UNC5D: variants seen among roughly 807,000 people sequenced by gnomAD.
UNC5D encodes netrin receptor UNC5D.
Under a neutral mutation model 105.4 loss-of-function variants are expected in UNC5D, and 39 were observed. The ratio of observed to expected loss-of-function variants is 0.37; its 90% CI spans 0.29 to 0.48. UNC5D has a LOEUF of 0.48. UNC5D is among the 20% of genes least tolerant of loss of function. The pLI is 0.98. For missense variants in UNC5D, 991 were observed against 1,202.4 expected (o/e 0.82, Z 2.60); for synonymous variants, 452 against 450.4 (o/e 1.00, Z -0.04).
chr8:35,300,446 CAAAAAA>C (rs752599540), intron 1 of UNC5D, among the ~76,000 whole-genome samples: 2 of 58,416 alleles, frequency 3.4e-5, no homozygotes, highest in Non-Finnish European at 3.3e-5. Context: ...GACTCCCTCT[CAAAAAA>C]AAAAAAAAAA....
chr8:35,611,204 G>A (rs1459806145), intron 4 of UNC5D, among the ~76,000 whole-genome samples: 1 of 152,038 alleles, frequency 6.6e-6, no homozygotes, highest in Non-Finnish European at 1.5e-5. Flanking sequence ...TTCTTGTAAT[G>A]TCTAACATGT....
intron 1 of UNC5D, among the ~76,000 whole-genome samples, chr8:35,378,829 T>C (rs1483375682): frequency 6.6e-6 from 1 of 152,090 alleles, no homozygotes; most frequent in Non-Finnish European, 1.5e-5. Flanking sequence ...ATGGAACAGG[T>C]GTGGTCTAGA....
chr8:35,684,825 C>A, intron 6 of UNC5D, 76 bp downstream of exon 6: 1 of 1,464,108 alleles, frequency 6.8e-7, no homozygotes, highest in Non-Finnish European at 9.1e-7. Flanking sequence ...ATCAATGTTA[C>A]CTTCTTTTCC....
intron 4 of UNC5D, among the ~76,000 whole-genome samples, chr8:35,642,907 A>C (rs371077151): frequency 6.6e-6 from 1 of 151,958 alleles, no homozygotes; most frequent in African/African-American, 2.4e-5. Context: ...CTTCTCCCCA[A>C]CCCACCCCAG....
intron 1 of UNC5D, among the ~76,000 whole-genome samples, chr8:35,537,719 T>G (rs1386020998): frequency 6.7e-6 from 1 of 149,618 alleles, no homozygotes; most frequent in East Asian, 1.9e-4. Flanking sequence ...AAATAATAAA[T>G]AAGTAAATAT....
At chr8:35,301,676 G>A (rs1483354544) in intron 1 of UNC5D, among the ~76,000 whole-genome samples, 1 of 152,126 alleles carries the variant, frequency 6.6e-6, no homozygotes, top group Non-Finnish European at 1.5e-5. Context: ...GTTTTGGTTT[G>A]TTTGCATTCT....
intron 13 of UNC5D, among the ~76,000 whole-genome samples, chr8:35,755,505 A>G (rs1336975872): frequency 7.0e-6 from 1 of 142,512 alleles, no homozygotes; most frequent in East Asian, 1.9e-4. Context: ...TGTAAGTTCA[A>G]ACAGTTTTGT....
intron 4 of UNC5D, among the ~76,000 whole-genome samples, chr8:35,648,901 A>G (rs1233131987): frequency 6.6e-6 from 1 of 152,118 alleles, no homozygotes; most frequent in Non-Finnish European, 1.5e-5. Flanking sequence ...CTGTAGAGCT[A>G]ATAGATTATA....
At chr8:35,520,402 G>C (rs1317295339) in intron 1 of UNC5D, among the ~76,000 whole-genome samples, 2 of 152,102 alleles carry the variant, frequency 1.3e-5, no homozygotes, top group Non-Finnish European at 2.9e-5. Context: ...CCAAGGGCTG[G>C]AATAAGGAAG....
intron 1 of UNC5D, among the ~76,000 whole-genome samples, chr8:35,434,119 G>T (rs898472117): frequency 2.6e-5 from 4 of 151,932 alleles, no homozygotes; most frequent in African/African-American, 9.7e-5. Context: ...TATTGATTTA[G>T]GAAAGTATGA....
At chr8:35,370,666 G>A (rs1802379522) in intron 1 of UNC5D, among the ~76,000 whole-genome samples, 1 of 152,126 alleles carries the variant, frequency 6.6e-6, no homozygotes, top group Non-Finnish European at 1.5e-5. Flanking sequence ...TTTAGGCATG[G>A]AAATGAAATA....
chr8:35,619,639 TC>T (rs1241693262), intron 4 of UNC5D, among the ~76,000 whole-genome samples: 1 of 152,240 alleles, frequency 6.6e-6, no homozygotes, highest in Non-Finnish European at 1.5e-5. Flanking sequence ...GGGCAGCTGG[TC>T]AGAAGTTACA....
At chr8:35,595,685 C>T (rs751850776) in intron 4 of UNC5D, 28 bp downstream of exon 4, 34 of 1,602,376 alleles carry the variant, frequency 2.1e-5, no homozygotes, top group South Asian at 7.7e-5. Flanking sequence ...GACCAGTCAC[C>T]GGGAGGAACC....
intron 11 of UNC5D, among the ~76,000 whole-genome samples, chr8:35,741,775 A>G (rs7837048): frequency 0.092 from 13,976 of 151,548 alleles, 1,829 homozygotes; most frequent in African/African-American, 0.29. Context: ...GTTGCTTTGG[A>G]TTTTTTTTTA....
chr8:35,766,533 A>C (rs1312616695), intron 14 of UNC5D, among the ~76,000 whole-genome samples: 1 of 152,216 alleles, frequency 6.6e-6, no homozygotes, highest in East Asian at 1.9e-4. Context: ...CCGAAGTAGA[A>C]GCATGGCCCA....
intron 8 of UNC5D, among the ~76,000 whole-genome samples, chr8:35,717,878 G>T (rs879867309): frequency 6.6e-6 from 1 of 152,142 alleles, no homozygotes; most frequent in East Asian, 1.9e-4. Context: ...AGATCACCAG[G>T]AAGTCACTTT....
At chr8:35,738,649 C>T (rs1337123483) in intron 11 of UNC5D, among the ~76,000 whole-genome samples, 1 of 152,204 alleles carries the variant, frequency 6.6e-6, no homozygotes, top group Non-Finnish European at 1.5e-5. Flanking sequence ...TCTCATAACA[C>T]TCTGGCATGT....
At chr8:35,582,295 C>T (rs1818511650) in intron 3 of UNC5D, among the ~76,000 whole-genome samples, 1 of 152,176 alleles carries the variant, frequency 6.6e-6, no homozygotes, top group South Asian at 2.1e-4. Flanking sequence ...TTCACTTTTC[C>T]TGGAAAGCAT....
intron 1 of UNC5D, among the ~76,000 whole-genome samples, chr8:35,448,946 C>CT (rs968050108): frequency 3.5e-4 from 53 of 152,006 alleles, no homozygotes; most frequent in African/African-American, 1.2e-3. Flanking sequence ...GGATTTTATT[C>CT]TTTTTTTATC....
Sources: gnomAD v4.1 joint callset for allele counts (sites outside exome capture counted in the v4.1 genomes callset) on GRCh38, gnomAD v4.1.1 for gene constraint, MANE v1.5 for transcripts, NCBI Gene and HGNC (gene_info 2026-07-23, HGNC 2026-07-21) for gene names.